The following TNFRSF19 variants were observed in gnomAD, a reference collection of about 807,000 sequenced individuals.
TNFRSF19 encodes the protein TNF receptor superfamily member 19, also known as tumor necrosis factor receptor superfamily member 19.
A neutral mutation model predicts 46.4 loss-of-function variants in TNFRSF19; 27 were observed. The ratio of observed to expected loss-of-function variants is 0.58; its 90% CI spans 0.43 to 0.80. The LOEUF (loss-of-function observed/expected upper bound fraction) is 0.80, where lower values mean the gene tolerates loss of function less well. TNFRSF19 is among the 30% of genes least tolerant of loss of function. TNFRSF19 has a pLI of 0.00. For synonymous variants in TNFRSF19, 204 were observed against 205.0 expected (o/e 1.00, Z 0.04); for missense variants, 511 against 530.8 (o/e 0.96, Z 0.37).
chr13:23,656,600 A>G (rs1007914039), intron 5 of TNFRSF19, among the ~76,000 whole-genome samples: 6 of 152,200 alleles, frequency 3.9e-5, no homozygotes, highest in Non-Finnish European at 8.8e-5. Flanking sequence ...CTCCACTCAA[A>G]TCATGTATTA....
At chr13:23,667,509 C>T (rs1226823707) in intron 7 of TNFRSF19, among the ~76,000 whole-genome samples, 2 of 152,300 alleles carry the variant, frequency 1.3e-5, no homozygotes, top group Non-Finnish European at 1.5e-5. Flanking sequence ...AGTCTCACTT[C>T]GTGGTCTCCC....
At chr13:23,589,544 A>G (rs935924521) in intron 1 of TNFRSF19, among the ~76,000 whole-genome samples, 1 of 152,224 alleles carries the variant, frequency 6.6e-6, no homozygotes, top group African/African-American at 2.4e-5. Flanking sequence ...CGTATGTGAC[A>G]CAGGAGCTGT....
At chr13:23,590,344 A>C in intron 2 of TNFRSF19, 92 bp downstream of exon 2, 1 of 785,662 alleles carries the variant, frequency 1.3e-6, no homozygotes, top group Non-Finnish European at 2.0e-6. Flanking sequence ...TTTATTTTTT[A>C]TTTTTTTTGA....
intron 2 of TNFRSF19, 79 bp downstream of exon 2, chr13:23,590,331 C>A (rs894552183): frequency 2.2e-6 from 2 of 889,000 alleles, no homozygotes; most frequent in Non-Finnish European, 1.7e-6. Flanking sequence ...GTACCAAAAT[C>A]ATTTTATTTT....
In TNFRSF19 at chr13:23,570,728, A is replaced by T. The variant is rs1054960765; in HGVS notation, c.-155A>T. 8 of 152,164 alleles carry T rather than the reference A, an allele frequency of 5.3e-5. No homozygotes were observed. Among genetic ancestry groups the T allele is most frequent in the African/African-American group, 1.9e-4 (8 of 41,428 alleles). 9.4% of individuals were successfully genotyped at this position (152,164 alleles called of 1,614,324 possible). Reference sequence around the variant, plus strand: ...CCCTGCTCGTCTGCCTTTGATCTGCATGGTTAATTTTATTTTCCTGGATTT... The same window carrying T: ...CCCTGCTCGTCTGCCTTTGATCTGCTTGGTTAATTTTATTTTCCTGGATTT... On this transcript the variant is annotated 5_prime_UTR_variant, in exon 1 of 10. An upstream start codon of the reference 5' UTR is lost. Transcript: ENST00000248484.
chr13:23,637,966 G>C (rs571418989), intron 5 of TNFRSF19, among the ~76,000 whole-genome samples: 2 of 152,182 alleles, frequency 1.3e-5, no homozygotes, highest in African/African-American at 4.8e-5. Flanking sequence ...CTGGGAGGGC[G>C]GAGGCCCAAG....
rs560261849 is a variant in TNFRSF19 at position 23,660,554 on chromosome 13, A to T, written c.736+64A>T. 4.9e-4 allele frequency: 776 copies of T among 1,574,532 alleles called. 7 individuals are homozygous for T. In the South Asian group the frequency reaches 5.7e-3, roughly 12 times the overall value. On this transcript the variant is annotated intron_variant, in intron 7 of 9. Coordinates refer to ENST00000248484, the MANE Select transcript of TNFRSF19 (RefSeq NM_148957.4). ...GTACACAGAAGCTGAAGCAGCAAGA[A>T]TTGGTCCTGGTTTATTCACCTCACA... is the stretch of plus-strand genomic sequence containing the variant.
chr13:23,650,362 T>C (rs1040478504), intron 5 of TNFRSF19, among the ~76,000 whole-genome samples: 2 of 152,138 alleles, frequency 1.3e-5, no homozygotes, highest in Non-Finnish European at 2.9e-5. Context: ...ATCTGAGAAA[T>C]GGCTAAACAA....
chr13:23,662,536 T>C (rs547747978), intron 7 of TNFRSF19, among the ~76,000 whole-genome samples: 2 of 152,320 alleles, frequency 1.3e-5, no homozygotes, highest in South Asian at 4.1e-4. Context: ...ATATGAATTT[T>C]AAAATAGGTT....
chr13:23,642,405 G>A (rs1244817087), intron 5 of TNFRSF19, among the ~76,000 whole-genome samples: 4 of 152,158 alleles, frequency 2.6e-5, no homozygotes, highest in African/African-American at 9.7e-5. Flanking sequence ...CAGGTTCCAC[G>A]CTAACCCTTT....
chr13:23,586,582 G>A (rs939022406), intron 1 of TNFRSF19, among the ~76,000 whole-genome samples: 2 of 152,242 alleles, frequency 1.3e-5, no homozygotes, highest in African/African-American at 4.8e-5. Flanking sequence ...TCGGCGTGGT[G>A]ACACGCTAGC....
At chr13:23,629,069 A>G (rs1593269520) in intron 5 of TNFRSF19, among the ~76,000 whole-genome samples, 1 of 143,912 alleles carries the variant, frequency 6.9e-6, no homozygotes, top group East Asian at 2.0e-4. Flanking sequence ...TTATGTTTTC[A>G]TTTCTTCCAC....
At chr13:23,635,383 A>C (rs2138319418) in intron 5 of TNFRSF19, among the ~76,000 whole-genome samples, 1 of 152,214 alleles carries the variant, frequency 6.6e-6, no homozygotes, top group African/African-American at 2.4e-5. Flanking sequence ...TGGGTTTTTA[A>C]AACATTATTT....
chr13:23,668,069 A>G lies in TNFRSF19; in HGVS notation c.826A>G (p.Ser276Gly). Residue 276 changes from serine (S) to glycine (G), a missense_variant, in exon 8 of 10, where the codon AGT becomes GGT. Ser to Gly is a moderately conservative substitution (Grantham distance 56). This residue lies in a region of TNFRSF19 where 376 missense variants were observed against 372.7 expected (regional missense o/e 1.01). Transcript: ENST00000248484. The stretch of plus-strand genomic sequence containing the variant: ...TGGTTGTGGGGTGCATTCTGCAGCC[A>G]GTCTTCAGGCAAGGTAACTAGGTGC... Reference protein sequence around the residue: ...TLGCGVHSAASLQARNAGPAG... With the variant: ...TLGCGVHSAAGLQARNAGPAG... 1 of 1,606,046 alleles carries G rather than the reference A, an allele frequency of 6.2e-7. No individual in the cohort carries two copies. The highest frequency in any genetic ancestry group is 1.7e-5 in the Admixed American group (1 of 59,000).
intron 7 of TNFRSF19, among the ~76,000 whole-genome samples, chr13:23,665,612 CCT>C (rs1271886339): frequency 1.3e-5 from 2 of 151,848 alleles, no homozygotes; most frequent in African/African-American, 4.8e-5. Context: ...TGCTTTATCC[CCT>C]CTCTCTCGTG....
At chr13:23,610,206 GACA>G (rs2138237827) in intron 3 of TNFRSF19, among the ~76,000 whole-genome samples, 1 of 152,298 alleles carries the variant, frequency 6.6e-6, no homozygotes, top group South Asian at 2.1e-4. Flanking sequence ...GTGTTTCCTG[GACA>G]ACAAGGGTCT....
At position 23,660,355 on chromosome 13, in the gene TNFRSF19, C is replaced by A; in HGVS notation, c.611-10C>A. The A allele has an allele frequency of 6.2e-7, 1 of 1,611,626 alleles. No homozygotes were observed. Among genetic ancestry groups the A allele is most frequent in the East Asian group, 2.2e-5 (1 of 44,718 alleles). Reference sequence around the variant, plus strand: ...TGTGTTCCCTGACAGAGTTCTCACCCCTCATTTAGGGTCTCTGCGGTCACA... The same window carrying A: ...TGTGTTCCCTGACAGAGTTCTCACCACTCATTTAGGGTCTCTGCGGTCACA... On this transcript the variant is annotated splice_polypyrimidine_tract_variant and intron_variant, in intron 6 of 9. Transcript: ENST00000248484.
At position 23,570,781 on chromosome 13, in the gene TNFRSF19, TA is replaced by T. The variant is rs1410332847; in HGVS notation, c.-101del. On this transcript the variant is annotated 5_prime_UTR_variant, in exon 1 of 10. Coordinates refer to ENST00000248484, the MANE Select transcript of TNFRSF19 (RefSeq NM_148957.4). ...AGTTTCGTCTGGGCTTGTGCTGACA[TA>T]CATTTTTGGGAAGGTAGAAGCATTT... 1 of 152,192 alleles carries T rather than the reference TA, an allele frequency of 6.6e-6. No homozygotes were observed. Among genetic ancestry groups the T allele is most frequent in the African/African-American group, 2.4e-5 (1 of 41,458 alleles). The allele number at this position is 152,192 out of a possible 1,614,324, so 9.4% of individuals were successfully genotyped here. A position where few individuals can be genotyped will look rare whatever the true frequency, so the allele number is the denominator to read the frequency against.
intron 1 of TNFRSF19, among the ~76,000 whole-genome samples, chr13:23,581,389 G>A (rs112915862): frequency 0.15 from 22,057 of 151,918 alleles, 2,019 homozygotes; most frequent in African/African-American, 0.25. Flanking sequence ...CGCGTGATCC[G>A]CCTGCCTCGA....
Sources: gnomAD v4.1 joint callset for allele counts (sites outside exome capture counted in the v4.1 genomes callset) on GRCh38, gnomAD v4.1.1 for gene constraint, gnomAD v4.1.1 regional missense constraint, MANE v1.5 for transcripts, NCBI Gene and HGNC (gene_info 2026-07-23, HGNC 2026-07-21) for gene names.